UNC13C: variants seen among roughly 807,000 people sequenced by gnomAD.
UNC13C encodes unc-13 homolog C, also known as protein unc-13 homolog C.
Under a neutral mutation model 245.4 loss-of-function variants are expected in UNC13C, and 174 were observed. The observed-to-expected ratio is 0.71, with a 90% CI of 0.63 to 0.80. UNC13C has a LOEUF of 0.80. UNC13C is among the 30% of genes least tolerant of loss of function. The pLI, the probability that UNC13C is intolerant of heterozygous loss-of-function variation, is 0.00. For synonymous variants in UNC13C, 992 were observed against 895.1 expected, an observed-to-expected ratio of 1.11 and a Z score of -1.93; for missense variants, 2,829 against 2,602.9, an observed-to-expected ratio of 1.09 and a Z score of -1.89.
At chr15:54,455,246 AATCCAC>A (rs1567289310) in intron 19 of UNC13C, among the ~76,000 whole-genome samples, 2 of 55,196 alleles carry the variant, frequency 3.6e-5, no homozygotes, top group East Asian at 1.1e-3. Context: ...TATGTTTTTT[AATCCAC>A]TCATTGGTAG....
At chr15:54,259,160 T>A (rs1457126898) in intron 8 of UNC13C, among the ~76,000 whole-genome samples, 1 of 152,222 alleles carries the variant, frequency 6.6e-6, no homozygotes, top group Non-Finnish European at 1.5e-5. Flanking sequence ...AAAGGCCTCA[T>A]CTTTTAACAT....
intron 1 of UNC13C, among the ~76,000 whole-genome samples, chr15:53,995,009 G>T (rs1188986055): frequency 6.6e-6 from 1 of 151,918 alleles, no homozygotes; most frequent in Non-Finnish European, 1.5e-5. Flanking sequence ...GGAATGAAGG[G>T]TGAACCTGGA....
Position 54,404,472 on chromosome 15 carries a change from C to T in UNC13C, c.4848-10510C>T, listed in dbSNP as rs1198666216. 2.6e-5 allele frequency among the ~76,000 whole-genome samples: 4 copies of T among 152,162 alleles called. No homozygotes were observed. In the East Asian group the frequency reaches 7.7e-4, roughly 29 times the overall value. ...CTGCAAATTAAAAACAGGAGACAGTCACATAATGGTGGAATGGATCAGTTA... is the reference window on the plus strand; with the variant it reads ...CTGCAAATTAAAAACAGGAGACAGTTACATAATGGTGGAATGGATCAGTTA... On this transcript the variant is annotated intron_variant, in intron 18 of 32. Transcript: ENST00000260323.
At chr15:54,179,223 T>C (rs192765079) in intron 4 of UNC13C, among the ~76,000 whole-genome samples, 4 of 152,172 alleles carry the variant, frequency 2.6e-5, no homozygotes, top group Middle Eastern at 3.4e-3. Flanking sequence ...TTCCTTAATA[T>C]ATGATATGCA....
chr15:54,476,517 T>C (rs536110175), intron 19 of UNC13C, among the ~76,000 whole-genome samples: 17 of 152,048 alleles, frequency 1.1e-4, no homozygotes, highest in Admixed American at 3.3e-4. Flanking sequence ...AGTTTCAGCT[T>C]TCTACATATG....
At chr15:54,089,027 C>T (rs1233627714) in intron 2 of UNC13C, among the ~76,000 whole-genome samples, 1 of 152,128 alleles carries the variant, frequency 6.6e-6, no homozygotes, top group East Asian at 1.9e-4. Context: ...CTGTCACATA[C>T]CACAGGCTCA....
chr15:54,197,786 C>T (rs1177406141), intron 4 of UNC13C, among the ~76,000 whole-genome samples: 1 of 152,126 alleles, frequency 6.6e-6, no homozygotes, highest in Non-Finnish European at 1.5e-5. Flanking sequence ...GCTCCAAGAA[C>T]TAGTGCAGGA....
At chr15:53,999,907 C>CACGATAAATGTCTTTTATTATGGTCA (rs1894809018) in intron 1 of UNC13C, among the ~76,000 whole-genome samples, 2 of 151,924 alleles carry the variant, frequency 1.3e-5, no homozygotes, top group African/African-American at 4.8e-5. Flanking sequence ...ACGATATATG[C>CACGATAAATGTCTTTTATTATGGTCA]TCTGTAAGAT....
At chr15:54,547,729 G>A (rs866161964) in intron 27 of UNC13C, among the ~76,000 whole-genome samples, 5 of 152,070 alleles carry the variant, frequency 3.3e-5, no homozygotes, top group Middle Eastern at 3.4e-3. Context: ...TTTGAGTTTC[G>A]CTTAATGCCA....
intron 23 of UNC13C, among the ~76,000 whole-genome samples, chr15:54,509,286 A>G (rs1894629115): frequency 6.6e-6 from 1 of 152,218 alleles, no homozygotes; most frequent in South Asian, 2.1e-4. Context: ...TAAAATATCC[A>G]TGTCAGAATA....
chr15:54,225,555 A>T (rs2035356893), intron 4 of UNC13C, among the ~76,000 whole-genome samples: 1 of 151,982 alleles, frequency 6.6e-6, no homozygotes, highest in Non-Finnish European at 1.5e-5. Flanking sequence ...TGGGTATTTT[A>T]TTCTCTTCGT....
chr15:53,940,945 T>A, the UNC13C span, among the ~76,000 whole-genome samples: 7 of 152,116 alleles, frequency 4.6e-5, no homozygotes, highest in African/African-American at 1.7e-4. Flanking sequence ...TTTGACAAAT[T>A]AGAAAAAAAA....
In UNC13C at chr15:54,237,620, C is replaced by T. The variant is rs1025980571; in HGVS notation, c.3158C>T (p.Thr1053Ile). The T allele has an allele frequency of 3.1e-6, 5 of 1,611,090 alleles. No individual in the cohort carries two copies. The highest frequency in any genetic ancestry group is 4.2e-6 in the Non-Finnish European group (5 of 1,178,698). ...AAGTCATAATTCTGTTTGTTTTAGA[C>T]CCTGGCTGCCCGGAAATCTGGACTC... is the stretch of plus-strand genomic sequence containing the variant. ...TLPIVRDVAM[T>I]LAARKSGLSL... is the part of the protein sequence containing the mutation. The change falls in exon 7 of 33, where the codon ACC becomes ATC. Residue 1053 changes from threonine to isoleucine, a missense_variant and splice_region_variant. By Grantham distance (89) the Thr-to-Ile change is moderately conservative (BLOSUM62 -1). Coordinates refer to ENST00000260323, the MANE Select transcript of UNC13C (RefSeq NM_001080534.3).
intron 2 of UNC13C, among the ~76,000 whole-genome samples, chr15:54,053,819 C>T (rs1481681597): frequency 6.6e-6 from 1 of 152,128 alleles, no homozygotes. Context: ...CTGGTAACCA[C>T]CGTCTACTCT....
chr15:53,867,009 C>T, the UNC13C span, among the ~76,000 whole-genome samples: 1 of 152,154 alleles, frequency 6.6e-6, no homozygotes, highest in Admixed American at 6.5e-5. Flanking sequence ...ATGATAGTTG[C>T]TAAAAAGGCC....
chr15:54,089,883 TGTG>T (rs1464032284), intron 2 of UNC13C, among the ~76,000 whole-genome samples: 1 of 152,106 alleles, frequency 6.6e-6, no homozygotes, highest in African/African-American at 2.4e-5. Context: ...CCTGCTGACT[TGTG>T]GGAGTGGGAG....
At chr15:54,251,428 C>T (rs1170674045) in intron 8 of UNC13C, among the ~76,000 whole-genome samples, 2 of 152,208 alleles carry the variant, frequency 1.3e-5, no homozygotes, top group African/African-American at 4.8e-5. Flanking sequence ...AAGAGCCTGG[C>T]ACACGGTAGA....
At chr15:54,256,764 C>T (rs2036289063) in intron 8 of UNC13C, among the ~76,000 whole-genome samples, 1 of 152,076 alleles carries the variant, frequency 6.6e-6, no homozygotes, top group Non-Finnish European at 1.5e-5. Flanking sequence ...GAATGCATTC[C>T]CTGAGGATAA....
chr15:54,517,554 G>A (rs901293944), intron 24 of UNC13C, among the ~76,000 whole-genome samples: 6 of 152,042 alleles, frequency 3.9e-5, no homozygotes, highest in African/African-American at 1.2e-4. Context: ...GCTGTTCCAC[G>A]TCTTTCTCCA....
Sources: gnomAD v4.1 joint callset for allele counts (sites outside exome capture counted in the v4.1 genomes callset) on GRCh38, gnomAD v4.1.1 for gene constraint, MANE v1.5 for transcripts, NCBI Gene and HGNC (gene_info 2026-07-23, HGNC 2026-07-21) for gene names.